Variants in IGF2R observed in about 807,000 individuals in gnomAD.
IGF2R encodes the protein cation-independent mannose-6-phosphate receptor.
A neutral mutation model predicts 270.6 loss-of-function variants in IGF2R; 91 were observed. The ratio of observed to expected loss-of-function variants is 0.34; its 90% confidence interval spans 0.28 to 0.40. The LOEUF (loss-of-function observed/expected upper bound fraction) is 0.40, where lower values mean the gene tolerates loss of function less well. IGF2R is among the 10% of genes least tolerant of loss of function. The probability of loss-of-function intolerance (pLI) is 1.00; values close to 1 mark genes in which losing one functional copy is unlikely to be tolerated. For synonymous variants in IGF2R, 1,316 were observed against 1,258.9 expected (o/e 1.05, Z -0.96); for missense variants, 2,805 against 3,188.3 (o/e 0.88, Z 2.90).
chr6:160,071,877 A>G, intron 31 of IGF2R, 33 bp from the exon 32 acceptor site: 1 of 1,606,838 alleles, frequency 6.2e-7, no homozygotes, highest in Non-Finnish European at 8.5e-7. Context: ...TTTTTGCGTG[A>G]TCCCTTCAGG....
At position 160,056,475 on chromosome 6, in the gene IGF2R, T is replaced by C. The variant is rs1778319673; in HGVS notation, c.2746T>C (p.Trp916Arg). The C allele has an allele frequency of 1.2e-6, 2 of 1,614,038 alleles. No homozygotes were observed. Among genetic ancestry groups the C allele is most frequent in the Non-Finnish European group, 1.7e-6 (2 of 1,179,990 alleles). The change falls in exon 20 of 48, where the codon TGG (tryptophan) becomes CGG (arginine). Residue 916 changes from tryptophan (W) to arginine (R), a missense_variant. By Grantham distance (101) the Trp-to-Arg change is moderately radical. Coordinates refer to ENST00000356956, the MANE Select transcript of IGF2R (RefSeq NM_000876.4). ...LNWECVVSFLWNTEAACPIQT... is the reference protein window; with the variant it reads ...LNWECVVSFLRNTEAACPIQT... ...CTGGGAGTGTGTGGTCAGTTTCCTGTGGAACACAGAGGCTGCCTGTCCCAT... is the reference window on the plus strand; with the variant it reads ...CTGGGAGTGTGTGGTCAGTTTCCTGCGGAACACAGAGGCTGCCTGTCCCAT...
chr6:159,999,103 A>G (rs1024510344), intron 2 of IGF2R, among the ~76,000 whole-genome samples: 1 of 152,180 alleles, frequency 6.6e-6, no homozygotes, highest in Non-Finnish European at 1.5e-5. Context: ...CGGACTTATG[A>G]ATAGAAGCCA....
intron 45 of IGF2R, among the ~76,000 whole-genome samples, chr6:160,096,893 C>T (rs141613568): frequency 1.8e-3 from 275 of 152,264 alleles, no homozygotes; most frequent in Non-Finnish European, 1.8e-3. Flanking sequence ...TACCATGCCC[C>T]GAATAGGGTC....
intron 44 of IGF2R, among the ~76,000 whole-genome samples, chr6:160,092,430 T>G (rs2114733474): frequency 6.6e-6 from 1 of 152,384 alleles, no homozygotes; most frequent in East Asian, 1.9e-4. Flanking sequence ...AGCAGACCTT[T>G]GAGGATCCCC....
chr6:160,073,758 C>A lies in IGF2R; in HGVS notation c.4949C>A (p.Thr1650Asn), dbSNP rs1778796027. The stretch of plus-strand genomic sequence containing the variant: ...AAAGCAGTCTTTCCTACTTAACAGA[C>A]CGAATGTTCCGTGAGGAATGGAAGC... Reference protein sequence around the residue: ...WHTPLACEQATECSVRNGSSI... With the variant: ...WHTPLACEQANECSVRNGSSI... The change falls in exon 35 of 48, where the codon ACC becomes AAC. Residue 1650 changes from threonine (T) to asparagine (N), a missense_variant and splice_region_variant. By Grantham distance (65) the Thr-to-Asn change is moderately conservative. Around this residue, in one of 2 missense-constraint regions of IGF2R, gnomAD observed 1,851 missense variants for 2,207.2 expected, o/e 0.84. Coordinates refer to ENST00000356956, the MANE Select transcript of IGF2R (RefSeq NM_000876.4). The A allele has an allele frequency of 6.2e-7, 1 of 1,613,348 alleles. No homozygotes were observed. Among genetic ancestry groups the A allele is most frequent in the Non-Finnish European group, 8.5e-7 (1 of 1,179,342 alleles).
At chr6:160,057,397 A>C (rs1180957279) in intron 20 of IGF2R, among the ~76,000 whole-genome samples, 1 of 152,156 alleles carries the variant, frequency 6.6e-6, no homozygotes, top group Non-Finnish European at 1.5e-5. Context: ...TCTAAGCTAC[A>C]CTGCAGACTC....
chr6:160,015,272 G>T (rs1039723362), intron 4 of IGF2R, among the ~76,000 whole-genome samples: 5 of 152,190 alleles, frequency 3.3e-5, no homozygotes, highest in Non-Finnish European at 7.3e-5. Context: ...ACTTTGAAAT[G>T]ATTTCAGAGA....
intron 4 of IGF2R, among the ~76,000 whole-genome samples, chr6:160,020,893 A>G (rs1215305185): frequency 6.6e-6 from 1 of 152,266 alleles, no homozygotes; most frequent in Non-Finnish European, 1.5e-5. Context: ...GCCTAGGCAA[A>G]GAATTCATGA....
intron 1 of IGF2R, among the ~76,000 whole-genome samples, chr6:159,981,359 TTGTC>T (rs1783801073): frequency 1.3e-5 from 2 of 151,858 alleles, no homozygotes; most frequent in African/African-American, 4.8e-5. Context: ...GTGAGTGTGT[TTGTC>T]TGAGTGCGTG....
At chr6:160,064,623 C>T (rs1415953596) in intron 28 of IGF2R, 92 bp downstream of exon 28, 1 of 1,407,548 alleles carries the variant, frequency 7.1e-7, no homozygotes, top group Non-Finnish European at 9.9e-7. Context: ...CAGATCTCAT[C>T]AAATCTCCTG....
rs568904793 is a variant in IGF2R at position 160,068,925 on chromosome 6, G to A, written c.4252+540G>A. Among the ~76,000 whole-genome samples the A allele has an allele frequency of 1.8e-4, 28 of 152,270 alleles. 1 individual carries two copies. In the East Asian group the frequency reaches 4.0e-3, roughly 22 times the overall value. On this transcript the variant is annotated intron_variant, in intron 30 of 47. Coordinates refer to ENST00000356956, the MANE Select transcript of IGF2R (RefSeq NM_000876.4). ...ACAGTTGATCCCTAGTATGGCCCAG[G>A]GTAAATCAGTGCTGAGGACTGCTGG... is the stretch of plus-strand genomic sequence containing the variant.
At position 160,105,371 on chromosome 6, in the gene IGF2R, C is replaced by A; in HGVS notation, c.*287C>A. 3.1e-6 allele frequency: 1 copy of A among 326,636 alleles called. No homozygotes were observed. The highest frequency in any genetic ancestry group is 5.1e-5 in the East Asian group (1 of 19,472). 20.2% of individuals were successfully genotyped at this position (326,636 alleles called of 1,614,324 possible). On this transcript the variant is annotated 3_prime_UTR_variant, in exon 48 of 48. Transcript: ENST00000356956. The stretch of plus-strand genomic sequence containing the variant: ...TAAAAGCATAAGGCCGGACGCATCT[C>A]AAAACAGAGGGCTGCATTCGAAGAA...
At position 160,093,645 on chromosome 6, in the gene IGF2R, TC is replaced by T. The variant is rs1476020777; in HGVS notation, c.6656-2792del. 4.1e-6 allele frequency: 3 copies of T among 736,556 alleles called. 1 individual carries two copies. The highest frequency in any genetic ancestry group is 2.8e-5 in the South Asian group (2 of 70,778). 45.6% of individuals were successfully genotyped at this position (736,556 alleles called of 1,614,324 possible). On this transcript the variant is annotated intron_variant, in intron 44 of 47. Transcript: ENST00000356956. ...CCAGAGGGAGAGGACCAGGTAAACT[TC>T]CGTGGATTCCTGCAAACTCTGGCTC...
At position 160,046,606 on chromosome 6, in the gene IGF2R, C is replaced by T; in HGVS notation, c.2012C>T (p.Pro671Leu). ...GTGTGTGGCCCGGTGTCTGTGAGCC[C>T]CTGTCAGCCAGACTCAGGAGCCTGC... is the stretch of plus-strand genomic sequence containing the variant. The part of the protein sequence containing the change: ...INVCGPVSVS[P>L]CQPDSGACQV... The change falls in exon 15 of 48, where the codon CCC becomes CTC. Residue 671 changes from proline to leucine, a missense_variant. This residue lies in a region of IGF2R where 954 missense variants were observed against 981.1 expected (regional missense o/e 0.97). Transcript: ENST00000356956. 2 of 1,613,486 alleles carry T rather than the reference C, an allele frequency of 1.2e-6. No individual in the cohort carries two copies. Among genetic ancestry groups the T allele is most frequent in the Non-Finnish European group, 1.7e-6 (2 of 1,179,880 alleles).
At chr6:160,023,579 G>A (rs535664128) in intron 4 of IGF2R, among the ~76,000 whole-genome samples, 1 of 152,280 alleles carries the variant, frequency 6.6e-6, no homozygotes, top group African/African-American at 2.4e-5. Context: ...AGGAATAACT[G>A]TCATTATTCC....
In IGF2R at chr6:160,073,933, C is replaced by T. The variant is rs111265246; in HGVS notation, c.5124C>T (p.Ala1708=). 2.5e-5 allele frequency: 41 copies of T among 1,613,898 alleles called. No homozygotes were observed. Among genetic ancestry groups the T allele is most frequent in the African/African-American group, 1.2e-4 (9 of 74,920 alleles). Residue 1708 remains alanine, a synonymous_variant, in exon 35 of 48, where the codon GCC becomes GCT. Coordinates refer to ENST00000356956, the MANE Select transcript of IGF2R (RefSeq NM_000876.4). ...CCATGCACGGAGTGCCCTGTCCTGC[C>T]GGAGCCGCTGTGTGCAAAGTTCCTA... is the stretch of plus-strand genomic sequence containing the variant. ...LNPMHGVPCP[A]GAAVCKVPID...
In IGF2R at chr6:160,102,770, C is replaced by A. The variant is rs1396349062; in HGVS notation, c.6995+99C>A. On this transcript the variant is annotated intron_variant, in intron 46 of 47. Transcript: ENST00000356956. This position sits in a 1 kb window ranked among gnomAD's most constrained non-coding sequence, Gnocchi z 4.5. ...GGGGTTTTATTTATTTGTTTTTAAG[C>A]CCTACAGCAGCGAAGGCTCGAGGTT... 2.9e-6 allele frequency: 4 copies of A among 1,356,278 alleles called. No homozygotes were observed. The highest frequency in any genetic ancestry group is 1.5e-5 in the African/African-American group (1 of 68,360). The allele number at this position is 1,356,278 out of a possible 1,614,324, so 84.0% of individuals were successfully genotyped here.
intron 35 of IGF2R, 176 bp downstream of exon 35, chr6:160,074,151 A>T (rs779833050): frequency 1.7e-5 from 10 of 599,540 alleles, no homozygotes; most frequent in Non-Finnish European, 2.7e-5. Flanking sequence ...TGCACATTGA[A>T]CTGTTCGCTG....
Position 160,105,012 on chromosome 6 carries a change from G to T in IGF2R, c.7404G>T (p.Gln2468His), listed in dbSNP as rs148397081. The part of the protein sequence containing the change: ...KARKGKSSSA[Q>H]QKTVSSTKLV... ...GGAAAGGGAAGTCCAGCTCTGCACA[G>T]CAGAAGACAGTGAGCTCCACCAAGC... The change falls in exon 48 of 48, where the codon CAG becomes CAT. Residue 2468 changes from glutamine to histidine, a missense_variant. This residue lies in a region of IGF2R where 1,851 missense variants were observed against 2,207.2 expected (regional missense o/e 0.84). Coordinates refer to ENST00000356956, the MANE Select transcript of IGF2R (RefSeq NM_000876.4). 148 of 1,613,416 alleles carry T rather than the reference G, an allele frequency of 9.2e-5. No homozygotes were observed. Among genetic ancestry groups the T allele is most frequent in the Non-Finnish European group, 1.2e-4 (146 of 1,179,790 alleles).
Sources: gnomAD v4.1 joint callset for allele counts (sites outside exome capture counted in the v4.1 genomes callset) on GRCh38, gnomAD v4.1.1 for gene constraint, gnomAD v4.1.1 regional missense constraint, Gnocchi (gnomAD v3.1) non-coding constraint, MANE v1.5 for transcripts, NCBI Gene and HGNC (gene_info 2026-07-23, HGNC 2026-07-21) for gene names.